Variants in CNTNAP4 observed in about 807,000 individuals in gnomAD.
The protein encoded by CNTNAP4 is contactin-associated protein-like 4.
In CNTNAP4, 98 loss-of-function variants were observed where a neutral mutation model predicts 148.4. The ratio of observed to expected loss-of-function variants is 0.66; its 90% CI spans 0.56 to 0.78. The LOEUF (loss-of-function observed/expected upper bound fraction) is 0.78, where lower values mean the gene tolerates loss of function less well. CNTNAP4 is among the 30% of genes least tolerant of loss of function. CNTNAP4 has a pLI of 0.00. For synonymous variants in CNTNAP4, 730 were observed against 565.1 expected, an observed-to-expected ratio of 1.29 and a Z score of -4.14; for missense variants, 1,935 against 1,565.6, an observed-to-expected ratio of 1.24 and a Z score of -3.98.
chr16:76,532,870 G>C (rs1597086286), intron 17 of CNTNAP4, among the ~76,000 whole-genome samples: 1 of 152,120 alleles, frequency 6.6e-6, no homozygotes, highest in African/African-American at 2.4e-5. Context: ...AGCAGCTCTG[G>C]TAAGGAAGAA....
At chr16:76,433,727 A>G (rs952121009) in intron 4 of CNTNAP4, among the ~76,000 whole-genome samples, 5 of 152,136 alleles carry the variant, frequency 3.3e-5, no homozygotes, top group African/African-American at 1.2e-4. Context: ...TAGATTTATT[A>G]AAATGATAGT....
intron 3 of CNTNAP4, among the ~76,000 whole-genome samples, chr16:76,390,745 T>C (rs2144762365): frequency 6.6e-6 from 1 of 152,360 alleles, no homozygotes; most frequent in Admixed American, 6.5e-5. Context: ...TCATCCTTAG[T>C]CCTCTTTGGC....
chr16:76,290,685 A>T (rs1041630382), intron 1 of CNTNAP4, among the ~76,000 whole-genome samples: 2 of 152,194 alleles, frequency 1.3e-5, no homozygotes, highest in East Asian at 3.8e-4. Flanking sequence ...TGACCAAGGC[A>T]TTCTACCAGT....
chr16:76,449,965 C>A, intron 7 of CNTNAP4, 107 bp downstream of exon 7: 1 of 909,022 alleles, frequency 1.1e-6, no homozygotes, highest in South Asian at 1.8e-5. Context: ...TAGAGGTACT[C>A]TTATTTAAAT....
intron 15 of CNTNAP4, among the ~76,000 whole-genome samples, chr16:76,503,948 A>G (rs1568432924): frequency 6.6e-6 from 1 of 152,028 alleles, no homozygotes; most frequent in Non-Finnish European, 1.5e-5. Flanking sequence ...AATTATTAAG[A>G]AAAAATTAAG....
At chr16:76,339,766 C>A (rs567167414) in intron 2 of CNTNAP4, among the ~76,000 whole-genome samples, 3 of 152,176 alleles carry the variant, frequency 2.0e-5, no homozygotes, top group Admixed American at 1.3e-4. Flanking sequence ...TGAGAAGCCT[C>A]GCTTTTATGT....
chr16:76,526,387 C>T (rs1026349701), intron 17 of CNTNAP4, among the ~76,000 whole-genome samples: 1 of 152,124 alleles, frequency 6.6e-6, no homozygotes, highest in Non-Finnish European at 1.5e-5. Context: ...GGATTTTACT[C>T]TAAGGAGTCA....
chr16:76,397,087 G>C (rs1323247444), intron 3 of CNTNAP4, among the ~76,000 whole-genome samples: 2 of 151,844 alleles, frequency 1.3e-5, no homozygotes, highest in East Asian at 3.9e-4. Flanking sequence ...CTTCTATTTG[G>C]GTAAACATGT....
At chr16:76,502,863 A>T (rs541242188) in intron 15 of CNTNAP4, among the ~76,000 whole-genome samples, 3 of 152,208 alleles carry the variant, frequency 2.0e-5, no homozygotes, top group Non-Finnish European at 2.9e-5. Context: ...TCTCACACAA[A>T]CGAGAGATAT....
chr16:76,479,446 A>G lies in CNTNAP4; in HGVS notation c.1790A>G (p.Tyr597Cys), dbSNP rs2081728967. 1 of 1,610,278 alleles carries G rather than the reference A, an allele frequency of 6.2e-7. No homozygotes were observed. The highest frequency in any genetic ancestry group is 8.5e-7 in the Non-Finnish European group (1 of 1,178,416). The change falls in exon 12 of 24, where the codon TAT becomes TGT. Residue 597 changes from tyrosine (Y) to cysteine (C), a missense_variant. Transcript: ENST00000611870. Reference sequence around the variant, plus strand: ...ATCTATGAGCAGTCATGTGAAGCCTATAAGCACAGAGGAAATACTTCAGGG... The same window carrying G: ...ATCTATGAGCAGTCATGTGAAGCCTGTAAGCACAGAGGAAATACTTCAGGG... ...NSIYEQSCEAYKHRGNTSGFY... is the reference protein window; with the variant it reads ...NSIYEQSCEACKHRGNTSGFY...
At chr16:76,449,891 C>T (rs2080395311) in intron 7 of CNTNAP4, 33 bp downstream of exon 7, 2 of 1,556,112 alleles carry the variant, frequency 1.3e-6, no homozygotes, top group African/African-American at 1.4e-5. Flanking sequence ...ATTAGTAAAA[C>T]TATATTTCTT....
chr16:76,319,793 G>A (rs1409565021), intron 2 of CNTNAP4, among the ~76,000 whole-genome samples: 1 of 151,864 alleles, frequency 6.6e-6, no homozygotes, highest in African/African-American at 2.4e-5. Flanking sequence ...AAAGAAAGAG[G>A]GGTTCTTCTC....
chr16:76,344,888 G>A (rs1193689636), intron 2 of CNTNAP4, among the ~76,000 whole-genome samples: 1 of 152,154 alleles, frequency 6.6e-6, no homozygotes, highest in East Asian at 1.9e-4. Context: ...GTACTCATAT[G>A]ATGTCATGGC....
At chr16:76,400,304 G>A (rs1441737852) in intron 3 of CNTNAP4, among the ~76,000 whole-genome samples, 1 of 152,058 alleles carries the variant, frequency 6.6e-6, no homozygotes, top group Non-Finnish European at 1.5e-5. Context: ...CATATTTTTT[G>A]TGGTGGGAAC....
At chr16:76,284,843 T>G (rs1958819377) in intron 1 of CNTNAP4, among the ~76,000 whole-genome samples, 1 of 152,092 alleles carries the variant, frequency 6.6e-6, no homozygotes, top group Non-Finnish European at 1.5e-5. Context: ...CTCTCCAAAG[T>G]GCTGATTACT....
At chr16:76,418,977 GT>G (rs1209220818) in intron 3 of CNTNAP4, among the ~76,000 whole-genome samples, 1 of 151,852 alleles carries the variant, frequency 6.6e-6, no homozygotes, top group Non-Finnish European at 1.5e-5. Flanking sequence ...GGCGGTCTTT[GT>G]TTTTTAAGTC....
At chr16:76,514,966 G>A (rs539779575) in intron 15 of CNTNAP4, among the ~76,000 whole-genome samples, 8 of 152,082 alleles carry the variant, frequency 5.3e-5, no homozygotes, top group Non-Finnish European at 1.2e-4. Context: ...TTACTTTTAA[G>A]AAAAGGCTTG....
chr16:76,413,367 A>G (rs796520634), intron 3 of CNTNAP4, among the ~76,000 whole-genome samples: 10 of 151,308 alleles, frequency 6.6e-5, no homozygotes, highest in African/African-American at 2.2e-4. Context: ...TGGATATCCA[A>G]TTTATACAGC....
chr16:76,309,131 T>C (rs1960813162), intron 1 of CNTNAP4, among the ~76,000 whole-genome samples: 1 of 152,114 alleles, frequency 6.6e-6, no homozygotes, highest in Admixed American at 6.6e-5. Context: ...AGGTGGCTGA[T>C]GCTGCTTTTT....
Sources: allele counts gnomAD v4.1 joint callset (sites outside exome capture counted in the v4.1 genomes callset), GRCh38; gene constraint gnomAD v4.1.1; transcripts MANE v1.5; gene names NCBI Gene and HGNC (gene_info 2026-07-23, HGNC 2026-07-21).